Variants in SYNE2 observed in about 807,000 individuals in gnomAD.
The protein encoded by SYNE2 is nesprin-2.
SYNE2 carries 431 observed loss-of-function variants against 856.3 expected under a neutral mutation model. That is an observed-to-expected ratio of 0.50 (90% confidence interval 0.47 to 0.55). The LOEUF (loss-of-function observed/expected upper bound fraction) is 0.55. Ranked by LOEUF, SYNE2 falls within the 20% of genes least tolerant of loss-of-function variation. The probability of loss-of-function intolerance (pLI) is 0.00; values close to 1 mark genes in which losing one functional copy is unlikely to be tolerated. For synonymous variants in SYNE2, 2,923 were observed against 2,872.3 expected (o/e 1.02, Z -0.56); for missense variants, 8,129 against 8,023.2 (o/e 1.01, Z -0.50).
intron 45 of SYNE2, among the ~76,000 whole-genome samples, chr14:64,037,303 G>A (rs1376296510): frequency 2.0e-5 from 3 of 151,428 alleles, no homozygotes; most frequent in Admixed American, 6.6e-5. Context: ...TGTGTCCCTG[G>A]GTACTTGAGA....
At position 64,162,318 on chromosome 14, in the gene SYNE2, C is replaced by T. The variant is rs779614045; in HGVS notation, c.16299+42C>T. ...TTTGGAAAACCAAGGCCAAGTCAGC[C>T]CAACAGATGGGGTAAGGGACAGCCA... is the stretch of plus-strand genomic sequence containing the variant. On this transcript the variant is annotated intron_variant, in intron 88 of 115. Coordinates refer to ENST00000555002, the MANE Select transcript of SYNE2 (RefSeq NM_182914.3). 17 of 1,594,864 alleles carry T rather than the reference C, an allele frequency of 1.1e-5. No homozygotes were observed. In the East Asian group the frequency reaches 2.0e-4, roughly 19 times the overall value.
At position 64,152,556 on chromosome 14, in the gene SYNE2, T is replaced by C. The variant is rs1445778370; in HGVS notation, c.15640-8T>C. The C allele has an allele frequency of 1.2e-6, 2 of 1,613,836 alleles. No homozygotes were observed. The highest frequency in any genetic ancestry group is 1.3e-5 in the African/African-American group (1 of 74,950). ...TGCATTGAAAACCTTTTCCTCTTACTCTTCCAGGATATAGAAAATCAACTT... is the reference window on the plus strand; with the variant it reads ...TGCATTGAAAACCTTTTCCTCTTACCCTTCCAGGATATAGAAAATCAACTT... On this transcript the variant is annotated splice_polypyrimidine_tract_variant and splice_region_variant and intron_variant, in intron 84 of 115. Transcript: ENST00000555002.
intron 99 of SYNE2, among the ~76,000 whole-genome samples, chr14:64,199,888 CAT>C (rs1346969835): frequency 2.6e-5 from 4 of 152,262 alleles, no homozygotes; most frequent in Non-Finnish European, 4.4e-5. Context: ...TAGACAGTCT[CAT>C]ATTTTATTCC....
intron 87 of SYNE2, among the ~76,000 whole-genome samples, chr14:64,160,821 T>C (rs2098323605): frequency 6.6e-6 from 1 of 152,186 alleles, no homozygotes; most frequent in South Asian, 2.1e-4. Context: ...AAGACTAATA[T>C]CTTGAAATAC....
rs1211477853 is a variant in SYNE2, at chr14:64,053,521, T to C, written c.9608T>C (p.Met3203Thr). The C allele has an allele frequency of 6.2e-7, 1 of 1,614,036 alleles. No homozygotes were observed. The highest frequency in any genetic ancestry group is 1.3e-5 in the African/African-American group (1 of 74,904). The change falls in exon 48 of 116, where the codon ATG (methionine) becomes ACG (threonine). Residue 3203 changes from methionine (M) to threonine (T), a missense_variant. Physicochemically the swap from Met to Thr is moderately conservative, Grantham distance 81. Transcript: ENST00000555002. ...TTTCAGGAGCAAGTTTGGGCAGAAATGTGTAGTATTAAAGCTGTGACTGCT... is the reference window on the plus strand; with the variant it reads ...TTTCAGGAGCAAGTTTGGGCAGAAACGTGTAGTATTAAAGCTGTGACTGCT... ...EAFQEQVWAEMCSIKAVTAIE... is the reference protein window; with the variant it reads ...EAFQEQVWAETCSIKAVTAIE...
At chr14:63,921,154 G>A (rs1483732256) in intron 2 of SYNE2, among the ~76,000 whole-genome samples, 4 of 151,718 alleles carry the variant, frequency 2.6e-5, no homozygotes, top group Non-Finnish European at 5.9e-5. Flanking sequence ...TTTATTCTTG[G>A]GCAAATCAGT....
intron 1 of SYNE2, among the ~76,000 whole-genome samples, chr14:63,771,100 C>A (rs994599060): frequency 2.0e-4 from 27 of 137,274 alleles, no homozygotes; most frequent in African/African-American, 7.3e-4. Context: ...GACGGAGTCT[C>A]GCTCTGTGGC....
intron 31 of SYNE2, among the ~76,000 whole-genome samples, chr14:64,007,577 G>A (rs1051054146): frequency 6.6e-6 from 1 of 152,126 alleles, no homozygotes; most frequent in African/African-American, 2.4e-5. Flanking sequence ...GCTTCTGGAG[G>A]TCAGAAGTGG....
intron 45 of SYNE2, among the ~76,000 whole-genome samples, chr14:64,043,558 C>T (rs548756232): frequency 3.3e-5 from 5 of 152,210 alleles, no homozygotes; most frequent in East Asian, 3.9e-4. Context: ...TACAGTCTAG[C>T]GACCGAGTGC....
chr14:64,034,488 TC>T (rs1451397007), intron 45 of SYNE2: 9 of 505,720 alleles, frequency 1.8e-5, no homozygotes, highest in Non-Finnish European at 3.2e-5. Context: ...ATGTCATTAA[TC>T]TTAGAATTTT....
In SYNE2 at chr14:64,078,603, A is replaced by G. The variant is rs2153609574; in HGVS notation, c.11160A>G (p.Gln3720=). The part of the protein sequence containing the change: ...SKNIEKAQEI[Q]KKMWDELDLW... ...ATATTGAGAAAGCTCAAGAAATTCA[A>G]AAGGTAAAATCCTCCTTTAACTCCC... The change falls in exon 55 of 116, where the codon CAA becomes CAG. Residue 3720 remains glutamine, a synonymous_variant. Coordinates refer to ENST00000555002, the MANE Select transcript of SYNE2 (RefSeq NM_182914.3). 3 of 1,613,940 alleles carry G rather than the reference A, an allele frequency of 1.9e-6. No individual in the cohort carries two copies. The highest frequency in any genetic ancestry group is 2.5e-6 in the Non-Finnish European group (3 of 1,179,932).
At chr14:64,101,817 G>A (rs1226486591) in intron 63 of SYNE2, 115 bp from the exon 64 acceptor site, 4 of 753,304 alleles carry the variant, frequency 5.3e-6, no homozygotes, top group African/African-American at 1.7e-5. Context: ...ATAAAGGGCT[G>A]TGGTTACACT....
Position 64,052,815 on chromosome 14 carries a change from T to C in SYNE2, c.8902T>C (p.Leu2968=), listed in dbSNP as rs377333945. The part of the protein sequence containing the change: ...EADSIQRNEL[L]LNQEVNKGVK... ...TGACAGTATACAGCGCAATGAACTA[T>C]TACTTAATCAAGAAGTAAATAAAGG... Residue 2968 remains leucine (L), a synonymous_variant, in exon 48 of 116, where the codon TTA becomes CTA. Transcript: ENST00000555002. 6 of 1,612,530 alleles carry C rather than the reference T, an allele frequency of 3.7e-6. No homozygotes were observed. The African/African-American group carries it at 6.7e-5, about 18-fold the overall frequency.
At chr14:64,037,029 G>A (rs1160682277) in intron 45 of SYNE2, among the ~76,000 whole-genome samples, 1 of 152,144 alleles carries the variant, frequency 6.6e-6, no homozygotes, top group East Asian at 1.9e-4. Flanking sequence ...GTCAGAGAGA[G>A]CTCCCAGGAA....
At chr14:63,853,527 A>C (rs1369722272) in intron 1 of SYNE2, among the ~76,000 whole-genome samples, 1 of 151,292 alleles carries the variant, frequency 6.6e-6, no homozygotes, top group African/African-American at 2.4e-5. Flanking sequence ...TCCCGGGCCC[A>C]GGCCCCGGCC....
intron 99 of SYNE2, among the ~76,000 whole-genome samples, chr14:64,198,428 G>T (rs554605341): frequency 6.6e-6 from 1 of 152,242 alleles, no homozygotes; most frequent in African/African-American, 2.4e-5. Context: ...TTAGATTACA[G>T]TGTCTGTACA....
intron 66 of SYNE2, among the ~76,000 whole-genome samples, chr14:64,118,192 A>G (rs1241811203): frequency 1.3e-5 from 2 of 151,954 alleles, no homozygotes; most frequent in South Asian, 2.1e-4. Flanking sequence ...GAGTTTTAGT[A>G]CAAATGATCA....
At chr14:64,093,569 T>A (rs1027673889) in intron 61 of SYNE2, 89 bp downstream of exon 61, 22 of 1,445,342 alleles carry the variant, frequency 1.5e-5, no homozygotes, top group Non-Finnish European at 2.0e-5. Context: ...TCTAGGAGCC[T>A]TTCTAGTGGT....
Position 64,170,384 on chromosome 14 carries a change from C to T in SYNE2, c.17157C>T (p.Thr5719=), listed in dbSNP as rs2098405009. 6.2e-7 allele frequency: 1 copy of T among 1,614,152 alleles called. No homozygotes were observed. The highest frequency in any genetic ancestry group is 8.5e-7 in the Non-Finnish European group (1 of 1,180,052). The change falls in exon 94 of 116, where the codon ACC becomes ACT. Residue 5719 remains threonine (T), a synonymous_variant. Transcript: ENST00000555002. ...VENLFRFLTD[T]SHLLSAVKGQ... ...ACTTGTTTCGCTTCCTCACTGACAC[C>T]AGCCACCTGCTATCTGCAGTGAAGG...
Sources: gnomAD v4.1 joint callset for allele counts (sites outside exome capture counted in the v4.1 genomes callset) on GRCh38, gnomAD v4.1.1 for gene constraint, MANE v1.5 for transcripts, NCBI Gene and HGNC (gene_info 2026-07-23, HGNC 2026-07-21) for gene names.